The following TFB2M variants were observed in gnomAD, a reference collection of about 807,000 sequenced individuals.
TFB2M encodes the protein dimethyladenosine transferase 2, mitochondrial.
A neutral mutation model predicts 41.3 loss-of-function variants in TFB2M; 44 were observed. The ratio of observed to expected loss-of-function variants is 1.07; its 90% CI spans 0.84 to 1.37. The LOEUF (loss-of-function observed/expected upper bound fraction) is 1.37. Among genes scored for constraint, TFB2M ranks in the 40% most tolerant of loss-of-function variants. TFB2M has a pLI of 0.00. For synonymous variants in TFB2M, 188 were observed against 176.8 expected, an observed-to-expected ratio of 1.06 and a Z score of -0.50; for missense variants, 496 against 490.2, an observed-to-expected ratio of 1.01 and a Z score of -0.11.
rs145230867 is a variant in TFB2M, at chr1:246,564,379, G to A, written c.369C>T (p.Leu123=). 3.1e-6 allele frequency: 5 copies of A among 1,613,908 alleles called. No homozygotes were observed. Among genetic ancestry groups the A allele is most frequent in the African/African-American group, 2.7e-5 (2 of 74,892 alleles). Residue 123 remains leucine, a synonymous_variant, in exon 2 of 8, where the codon CTC becomes CTT. Coordinates refer to ENST00000366514, the MANE Select transcript of TFB2M (RefSeq NM_022366.3). The part of the protein sequence containing the change: ...LLEAGAKVVA[L]ESDKTFIPHL... The stretch of plus-strand genomic sequence containing the variant: ...GTGGAATAAAAGTTTTGTCACTTTC[G>A]AGCGCAACCACTTTGGCACCAGCTT...
At chr1:246,546,806 G>C (rs1659031718) in intron 6 of TFB2M, among the ~76,000 whole-genome samples, 1 of 93,614 alleles carries the variant, frequency 1.1e-5, no homozygotes, top group African/African-American at 2.9e-5. Context: ...GGATAGAAAT[G>C]ACAGGCCCTA....
At chr1:246,563,231 G>A (rs1321328923) in intron 2 of TFB2M, among the ~76,000 whole-genome samples, 1 of 149,430 alleles carries the variant, frequency 6.7e-6, no homozygotes, top group Non-Finnish European at 1.5e-5. Context: ...CTGTACTAAT[G>A]GTATGTCATT....
chr1:246,541,797 C>A (rs962191337), intron 7 of TFB2M, among the ~76,000 whole-genome samples: 1 of 152,182 alleles, frequency 6.6e-6, no homozygotes, highest in African/African-American at 2.4e-5. Flanking sequence ...TAACTATAAA[C>A]AGCAGAAGTT....
chr1:246,564,196 G>C (rs1659529161), intron 2 of TFB2M, 150 bp downstream of exon 2: 13 of 649,846 alleles, frequency 2.0e-5, no homozygotes, highest in Non-Finnish European at 3.4e-5. Flanking sequence ...TATTAACTGT[G>C]TTCTAGTCTT....
At chr1:246,545,976 A>G (rs1659007623) in intron 6 of TFB2M, among the ~76,000 whole-genome samples, 1 of 152,128 alleles carries the variant, frequency 6.6e-6, no homozygotes, top group Non-Finnish European at 1.5e-5. Context: ...TCTTAGGCCA[A>G]CATCCGAGAA....
rs370938561 is a variant in TFB2M at position 246,564,365 on chromosome 1, G to C, written c.383C>G (p.Thr128Ser). 10 of 1,613,952 alleles carry C rather than the reference G, an allele frequency of 6.2e-6. No homozygotes were observed. The African/African-American group carries it at 1.2e-4, about 19-fold the overall frequency. ...AKVVALESDKTFIPHLESLGK... is the reference protein window; with the variant it reads ...AKVVALESDKSFIPHLESLGK... Reference sequence around the variant, plus strand: ...ATATACCTCCAAATGTGGAATAAAAGTTTTGTCACTTTCGAGCGCAACCAC... The same window carrying C: ...ATATACCTCCAAATGTGGAATAAAACTTTTGTCACTTTCGAGCGCAACCAC... Residue 128 changes from threonine (T) to serine (S), a missense_variant, in exon 2 of 8, where the codon ACT becomes AGT. Transcript: ENST00000366514.
chr1:246,544,740 G>C, intron 6 of TFB2M, 59 bp from the exon 7 acceptor site: 1 of 1,444,700 alleles, frequency 6.9e-7, no homozygotes, highest in East Asian at 2.3e-5. Flanking sequence ...GTAAGACATT[G>C]CTCACTTCTT....
At chr1:246,556,510 T>TA in intron 4 of TFB2M, 63 bp downstream of exon 4, 1 of 1,248,640 alleles carries the variant, frequency 8.0e-7, no homozygotes, top group South Asian at 1.8e-5. Flanking sequence ...TCGCACAGAT[T>TA]AAGAGTACTC....
intron 2 of TFB2M, among the ~76,000 whole-genome samples, chr1:246,558,461 T>C (rs573755160): frequency 6.6e-6 from 1 of 152,252 alleles, no homozygotes; most frequent in South Asian, 2.1e-4. Context: ...TTACTTTCTT[T>C]ATCATAATGG....
In TFB2M at chr1:246,556,452, T is replaced by G. The variant is rs139374529; in HGVS notation, c.705+121A>C. The G allele has an allele frequency of 3.6e-4, 285 of 802,172 alleles. 1 individual carries two copies. The African/African-American group carries it at 4.6e-3, about 13-fold the overall frequency. 49.7% of individuals were successfully genotyped at this position (802,172 alleles called of 1,614,324 possible). On this transcript the variant is annotated intron_variant, in intron 4 of 7. Transcript: ENST00000366514. Reference sequence around the variant, plus strand: ...CTGAGCATAAGACTGCTCTGCAGAATTTAAAAACAATCTTAGACCCTCAAA... The same window carrying G: ...CTGAGCATAAGACTGCTCTGCAGAAGTTAAAAACAATCTTAGACCCTCAAA...
intron 4 of TFB2M, among the ~76,000 whole-genome samples, chr1:246,556,283 G>A (rs920376632): frequency 2.0e-5 from 3 of 152,170 alleles, no homozygotes; most frequent in East Asian, 1.9e-4. Flanking sequence ...ACTAGGGGAC[G>A]CAGGAAGAGG....
At position 246,544,599 on chromosome 1, in the gene TFB2M, G is replaced by C. The variant is rs893330357; in HGVS notation, c.941C>G (p.Pro314Arg). Residue 314 changes from proline (P) to arginine (R), a missense_variant, in exon 7 of 8, where the codon CCT becomes CGT. By Grantham distance (103) the Pro-to-Arg change is moderately radical. Coordinates refer to ENST00000366514, the MANE Select transcript of TFB2M (RefSeq NM_022366.3). ...GTGAAAAAATATATTATAGTTCATAGGTGTTAAGTTCTTGGTAAATAAATT... is the reference window on the plus strand; with the variant it reads ...GTGAAAAAATATATTATAGTTCATACGTGTTAAGTTCTTGGTAAATAAATT... ...RQNLFTKNLTPMNYNIFFHLL... is the reference protein window; with the variant it reads ...RQNLFTKNLTRMNYNIFFHLL... The C allele has an allele frequency of 2.5e-6, 4 of 1,611,084 alleles. No homozygotes were observed. The highest frequency in any genetic ancestry group is 3.4e-6 in the Non-Finnish European group (4 of 1,179,158).
intron 2 of TFB2M, among the ~76,000 whole-genome samples, chr1:246,563,306 T>C (rs1477318735): frequency 6.6e-6 from 1 of 151,142 alleles, no homozygotes; most frequent in Non-Finnish European, 1.5e-5. Context: ...CAGAAGCATA[T>C]AAATTCGGAG....
Position 246,566,007 on chromosome 1 carries a change from G to C in TFB2M, c.132C>G (p.Leu44=), listed in dbSNP as rs2102993143. 6.2e-7 allele frequency: 1 copy of C among 1,614,210 alleles called. No individual in the cohort carries two copies. Among genetic ancestry groups the C allele is most frequent in the South Asian group, 1.1e-5 (1 of 91,088 alleles). ...KHLPARNHCG[L]SDSSPQLWPE... ...GCCACAGCTGCGGAGAGGAGTCAGAGAGCCCACAGTGGTTCCTCGCCGGCA... is the reference window on the plus strand; with the variant it reads ...GCCACAGCTGCGGAGAGGAGTCAGACAGCCCACAGTGGTTCCTCGCCGGCA... Residue 44 remains leucine, a synonymous_variant, in exon 1 of 8, where the codon CTC becomes CTG. Transcript: ENST00000366514.
At chr1:246,547,931 A>G (rs1353769244) in intron 6 of TFB2M, among the ~76,000 whole-genome samples, 1 of 146,026 alleles carries the variant, frequency 6.8e-6, no homozygotes, top group Non-Finnish European at 1.5e-5. Flanking sequence ...ATGTAATAAG[A>G]GTAGTAATAT....
At chr1:246,543,662 A>C (rs1379875719) in intron 7 of TFB2M, among the ~76,000 whole-genome samples, 1 of 152,100 alleles carries the variant, frequency 6.6e-6, no homozygotes, top group Non-Finnish European at 1.5e-5. Context: ...GGCCAGGTGC[A>C]GTGGCTCATG....
intron 2 of TFB2M, among the ~76,000 whole-genome samples, chr1:246,564,125 A>G (rs1659527682): frequency 2.0e-5 from 3 of 152,240 alleles, no homozygotes; most frequent in African/African-American, 7.2e-5. Context: ...GCTGTAGCCG[A>G]CCTAGAACTA....
At chr1:246,565,499 G>C (rs1659605532) in intron 1 of TFB2M, among the ~76,000 whole-genome samples, 1 of 152,214 alleles carries the variant, frequency 6.6e-6, no homozygotes, top group Non-Finnish European at 1.5e-5. Flanking sequence ...GGATCACGAG[G>C]TCAAGAGATC....
chr1:246,544,507 T>C lies in TFB2M; in HGVS notation c.1019+14A>G, dbSNP rs1245407047. ...CGTTGCTACTTTATACTTGCTTTTATTCTTTTTACTCACCGTAAGTGGTCT... is the reference window on the plus strand; with the variant it reads ...CGTTGCTACTTTATACTTGCTTTTACTCTTTTTACTCACCGTAAGTGGTCT... On this transcript the variant is annotated intron_variant, in intron 7 of 7. Coordinates refer to ENST00000366514, the MANE Select transcript of TFB2M (RefSeq NM_022366.3). 6.3e-6 allele frequency: 10 copies of C among 1,579,032 alleles called. No homozygotes were observed. The highest frequency in any genetic ancestry group is 8.5e-6 in the Non-Finnish European group (10 of 1,170,142).
Sources: allele counts gnomAD v4.1 joint callset (sites outside exome capture counted in the v4.1 genomes callset), GRCh38; gene constraint gnomAD v4.1.1; transcripts MANE v1.5; gene names NCBI Gene and HGNC (gene_info 2026-07-23, HGNC 2026-07-21).